DNAAF11: variants seen among roughly 807,000 people sequenced by gnomAD.
DNAAF11 encodes the protein leucine rich repeat containing 6.
A neutral mutation model predicts 60.8 loss-of-function variants in DNAAF11; 45 were observed. The observed-to-expected ratio is 0.74, with a 90% CI of 0.58 to 0.95. DNAAF11 has a LOEUF of 0.95. Among genes scored for constraint, DNAAF11 ranks in the 40% least tolerant of loss-of-function variants. The pLI, the probability that DNAAF11 is intolerant of heterozygous loss-of-function variation, is 0.00. For synonymous variants in DNAAF11, 191 were observed against 183.5 expected, an observed-to-expected ratio of 1.04 and a Z score of -0.33; for missense variants, 546 against 546.2, an observed-to-expected ratio of 1.00 and a Z score of 0.00.
chr8:132,691,111 T>C, the DNAAF11 span, among the ~76,000 whole-genome samples: 1 of 147,706 alleles, frequency 6.8e-6, no homozygotes. Context: ...GTAGTATCTG[T>C]AGATTATTTG....
At chr8:132,615,889 T>C (rs903306063) in intron 7 of DNAAF11, among the ~76,000 whole-genome samples, 2 of 152,156 alleles carry the variant, frequency 1.3e-5, no homozygotes, top group African/African-American at 2.4e-5. Flanking sequence ...TAAGCTAAAC[T>C]GTTTAGGAAA....
At chr8:132,702,039 T>C in the DNAAF11 span, 4 of 152,246 alleles carry the variant, frequency 2.6e-5, no homozygotes, top group Admixed American at 6.5e-5. Flanking sequence ...AATTCTTTCC[T>C]TCCTATTTAA....
chr8:132,610,377 T>C lies in DNAAF11; in HGVS notation c.1045-116A>G, dbSNP rs977883995. 1.1e-5 allele frequency: 7 copies of C among 651,568 alleles called. No individual in the cohort carries two copies. The Admixed American group carries it at 1.9e-4, about 17-fold the overall frequency. 40.4% of individuals were successfully genotyped at this position (651,568 alleles called of 1,614,324 possible). The stretch of plus-strand genomic sequence containing the variant: ...TACACCATTCAATTAAGAAATGTGC[T>C]TAAGCTTATTAAAAATATTGATATG... On this transcript the variant is annotated intron_variant, in intron 9 of 11. Transcript: ENST00000620350.
intron 5 of DNAAF11, among the ~76,000 whole-genome samples, chr8:132,627,604 A>C (rs1334118360): frequency 1.3e-5 from 2 of 152,100 alleles, no homozygotes; most frequent in Non-Finnish European, 1.5e-5. Flanking sequence ...TTTCAAATCG[A>C]AGCCATTCCC....
chr8:132,595,347 G>GAAAAAAAAAAAAAAAAAAAAAAAAAAAAA lies in DNAAF11; in HGVS notation c.1141-11569_1141-11568insTTTTTTTTTTTTTTTTTTTTTTTTTTTTT, dbSNP rs1563992420. ...TTCCCGAAAGAGAGAGAGACAGAGG[G>GAAAAAAAAAAAAAAAAAAAAAAAAAAAAA]GAAAAAAAAAAAAAAAAAAAAAAAA... On this transcript the variant is annotated intron_variant, in intron 10 of 11. Transcript: ENST00000620350. Among the ~76,000 whole-genome samples, 4 of 40,680 alleles carry GAAAAAAAAAAAAAAAAAAAAAAAAAAAAA rather than the reference G, an allele frequency of 9.8e-5. 2 individuals carry two copies. 26.7% of individuals were successfully genotyped at this position (40,680 alleles called of 152,430 possible).
rs555168581 is a variant in DNAAF11, at chr8:132,574,440, C to T, written c.1227-1960G>A. Among the ~76,000 whole-genome samples the T allele has an allele frequency of 8.5e-5, 13 of 152,322 alleles. 1 individual carries two copies. In the South Asian group the frequency reaches 2.7e-3, roughly 32 times the overall value. Reference sequence around the variant, plus strand: ...TTGGCACCCACTAGGCAGAGGGTGCCTACCAGCACCCAACAAAACCCTGAG... The same window carrying T: ...TTGGCACCCACTAGGCAGAGGGTGCTTACCAGCACCCAACAAAACCCTGAG... On this transcript the variant is annotated intron_variant, in intron 11 of 11. Coordinates refer to ENST00000620350, the MANE Select transcript of DNAAF11 (RefSeq NM_012472.6).
At chr8:132,577,691 C>T (rs971772139) in intron 11 of DNAAF11, among the ~76,000 whole-genome samples, 2 of 152,168 alleles carry the variant, frequency 1.3e-5, no homozygotes, top group African/African-American at 2.4e-5. Flanking sequence ...TGGAGCCTTG[C>T]TCCGTTGCCC....
At chr8:132,653,060 C>A (rs1371279148) in intron 3 of DNAAF11, among the ~76,000 whole-genome samples, 1 of 151,870 alleles carries the variant, frequency 6.6e-6, no homozygotes, top group Non-Finnish European at 1.5e-5. Flanking sequence ...TCAAAATGTA[C>A]AATATCAAGA....
the DNAAF11 span, among the ~76,000 whole-genome samples, chr8:132,693,891 C>T: frequency 6.6e-6 from 1 of 152,144 alleles, no homozygotes; most frequent in Non-Finnish European, 1.5e-5. Context: ...GGAGCTGGAG[C>T]CACAGCATGT....
intron 7 of DNAAF11, among the ~76,000 whole-genome samples, chr8:132,615,308 G>A (rs1190699715): frequency 6.6e-6 from 1 of 152,182 alleles, no homozygotes; most frequent in Non-Finnish European, 1.5e-5. Flanking sequence ...TGTTTACAGT[G>A]TTTAAATGTG....
At chr8:132,612,678 G>A (rs754519927) in intron 8 of DNAAF11, among the ~76,000 whole-genome samples, 7 of 152,170 alleles carry the variant, frequency 4.6e-5, no homozygotes, top group African/African-American at 1.7e-4. Context: ...TGGGGAGACA[G>A]TTACAGTCTC....
Position 132,622,609 on chromosome 8 carries a change from A to T in DNAAF11, c.914+2T>A. ...TTTAACGCTCTATTTGGCCTCACATACTTGGGCTCATTCACATTTAGGGCT... is the reference window on the plus strand; with the variant it reads ...TTTAACGCTCTATTTGGCCTCACATTCTTGGGCTCATTCACATTTAGGGCT... On this transcript the variant is annotated splice_donor_variant, in intron 7 of 11. Transcript: ENST00000620350. LOFTEE classifies it high-confidence loss of function. The T allele has an allele frequency of 6.2e-7, 1 of 1,612,600 alleles. No homozygotes were observed. The highest frequency in any genetic ancestry group is 1.1e-5 in the South Asian group (1 of 90,874).
At chr8:132,652,533 G>A (rs770725224) in intron 3 of DNAAF11, among the ~76,000 whole-genome samples, 9 of 152,112 alleles carry the variant, frequency 5.9e-5, no homozygotes, top group African/African-American at 1.9e-4. Flanking sequence ...CAGGAATGAC[G>A]CAATCAGAAC....
chr8:132,618,948 A>T (rs1192879833), intron 7 of DNAAF11, among the ~76,000 whole-genome samples: 2 of 151,798 alleles, frequency 1.3e-5, no homozygotes, highest in East Asian at 3.9e-4. Context: ...CCATTACTGG[A>T]TATATACCCA....
chr8:132,673,460 C>T (rs538894020), intron 1 of DNAAF11, among the ~76,000 whole-genome samples: 1 of 152,312 alleles, frequency 6.6e-6, no homozygotes, highest in Admixed American at 6.5e-5. Flanking sequence ...TAGGGCCAAG[C>T]TATGCCCATG....
chr8:132,654,006 T>C (rs954286711), intron 3 of DNAAF11, among the ~76,000 whole-genome samples: 2 of 152,080 alleles, frequency 1.3e-5, no homozygotes, highest in African/African-American at 4.8e-5. Flanking sequence ...TTCATCTATA[T>C]GCCTTTTAAA....
intron 1 of DNAAF11, among the ~76,000 whole-genome samples, chr8:132,674,024 G>C (rs1413502040): frequency 1.3e-5 from 2 of 151,806 alleles, no homozygotes; most frequent in African/African-American, 4.8e-5. Context: ...AGGAGGAGAA[G>C]GAGCAGGAGG....
chr8:132,632,650 T>A (rs890806398), intron 5 of DNAAF11, 90 bp downstream of exon 5: 5 of 836,690 alleles, frequency 6.0e-6, no homozygotes, highest in Non-Finnish European at 1.0e-5. Context: ...TAATCTGGAA[T>A]ATAAGTGTAC....
chr8:132,659,054 G>A (rs533520391), intron 2 of DNAAF11, among the ~76,000 whole-genome samples: 17 of 152,302 alleles, frequency 1.1e-4, no homozygotes, highest in African/African-American at 4.1e-4. Flanking sequence ...CTTGGCCCAG[G>A]CATGCAGCCC....
Sources: allele counts gnomAD v4.1 joint callset (sites outside exome capture counted in the v4.1 genomes callset), GRCh38; gene constraint gnomAD v4.1.1; transcripts MANE v1.5; gene names NCBI Gene and HGNC (gene_info 2026-07-23, HGNC 2026-07-21).